AK5: variants seen among roughly 807,000 people sequenced by gnomAD.
AK5 encodes the protein adenylate kinase isoenzyme 5.
Under a neutral mutation model 69.5 loss-of-function variants are expected in AK5, and 27 were observed. The observed-to-expected ratio is 0.39, with a 90% CI of 0.29 to 0.54. The LOEUF (loss-of-function observed/expected upper bound fraction) is 0.54. AK5 is among the 20% of genes least tolerant of loss of function. AK5 has a pLI of 0.71. For missense variants in AK5, 531 were observed against 700.4 expected, an observed-to-expected ratio of 0.76 and a Z score of 2.73; for synonymous variants, 260 against 244.4, an observed-to-expected ratio of 1.06 and a Z score of -0.60.
At chr1:77,346,774 A>T (rs1661939518) in intron 6 of AK5, among the ~76,000 whole-genome samples, 1 of 152,184 alleles carries the variant, frequency 6.6e-6, no homozygotes, top group Non-Finnish European at 1.5e-5. Flanking sequence ...CTGGGACTAC[A>T]GGATGAGCCA....
chr1:77,517,716 A>C (rs1301105506), intron 10 of AK5, among the ~76,000 whole-genome samples: 1 of 152,200 alleles, frequency 6.6e-6, no homozygotes, highest in African/African-American at 2.4e-5. Flanking sequence ...AAGGTAATAA[A>C]ACATATTGAG....
intron 6 of AK5, among the ~76,000 whole-genome samples, chr1:77,361,511 T>C (rs1646864067): frequency 6.6e-6 from 1 of 152,146 alleles, no homozygotes; most frequent in Admixed American, 6.5e-5. Flanking sequence ...AAATAATATG[T>C]ATAAAGCAAC....
intron 9 of AK5, among the ~76,000 whole-genome samples, chr1:77,484,593 T>C (rs1655472353): frequency 6.6e-6 from 1 of 152,218 alleles, no homozygotes; most frequent in South Asian, 2.1e-4. Flanking sequence ...AATAATCAAC[T>C]TGGTCTCAAC....
intron 6 of AK5, among the ~76,000 whole-genome samples, chr1:77,349,216 G>T (rs930393020): frequency 2.0e-5 from 3 of 152,100 alleles, no homozygotes; most frequent in African/African-American, 7.2e-5. Context: ...TCACTTATAA[G>T]TGGGAGCTAA....
intron 6 of AK5, among the ~76,000 whole-genome samples, chr1:77,368,241 A>ATATATATAATATATATGT (rs1647042022): frequency 8.6e-5 from 2 of 23,280 alleles, no homozygotes; most frequent in African/African-American, 1.8e-4. Context: ...ATATATATAT[A>ATATATATAATATATATGT]TATATATATA....
chr1:77,282,476 T>G, intron 1 of AK5, 103 bp downstream of exon 1: 1 of 1,433,870 alleles, frequency 7.0e-7, no homozygotes, highest in South Asian at 1.5e-5. Context: ...ACACGGGGCA[T>G]GTAATGAAGG....
chr1:77,371,966 C>T (rs1447553881), intron 6 of AK5, among the ~76,000 whole-genome samples: 2 of 152,168 alleles, frequency 1.3e-5, no homozygotes, highest in Admixed American at 1.3e-4. Flanking sequence ...ACTTGCACTT[C>T]CCCATGAAGG....
chr1:77,308,114 T>C (rs926225400), intron 5 of AK5, among the ~76,000 whole-genome samples: 1 of 152,116 alleles, frequency 6.6e-6, no homozygotes, highest in African/African-American at 2.4e-5. Context: ...TGTGATCAAG[T>C]GGTCAGTCAT....
intron 8 of AK5, among the ~76,000 whole-genome samples, chr1:77,444,259 TATATATATA>T (rs1462078116): frequency 9.4e-5 from 4 of 42,768 alleles, no homozygotes; most frequent in African/African-American, 2.7e-4. Flanking sequence ...AACATATGTG[TATATATATA>T]GTATATATAC....
chr1:77,534,124 TTC>T (rs893542715), intron 12 of AK5, among the ~76,000 whole-genome samples: 58 of 152,146 alleles, frequency 3.8e-4, no homozygotes, highest in African/African-American at 1.3e-3. Context: ...ATATTACGAG[TTC>T]TCCGTGTTGC....
At chr1:77,405,852 T>C (rs1468429268) in intron 6 of AK5, among the ~76,000 whole-genome samples, 1 of 152,210 alleles carries the variant, frequency 6.6e-6, no homozygotes, top group Non-Finnish European at 1.5e-5. Context: ...TGTTTATTAA[T>C]GAAGCTGGGG....
intron 6 of AK5, among the ~76,000 whole-genome samples, chr1:77,389,790 C>T (rs143019012): frequency 7.9e-5 from 12 of 151,900 alleles, no homozygotes; most frequent in Non-Finnish European, 1.2e-4. Context: ...GGTGAAACCC[C>T]ATCTCTACAA....
intron 9 of AK5, among the ~76,000 whole-genome samples, chr1:77,485,206 C>A (rs1026975603): frequency 2.0e-5 from 3 of 152,182 alleles, no homozygotes; most frequent in Non-Finnish European, 4.4e-5. Flanking sequence ...TTTAAAAATT[C>A]TCTTTGTTTG....
chr1:77,524,636 A>T (rs927103866), intron 12 of AK5, among the ~76,000 whole-genome samples: 1 of 152,112 alleles, frequency 6.6e-6, no homozygotes, highest in African/African-American at 2.4e-5. Flanking sequence ...TATATTTTGG[A>T]TAGTAACTCC....
intron 6 of AK5, among the ~76,000 whole-genome samples, chr1:77,367,620 T>TTA (rs1553139814): frequency 0.095 from 6,551 of 69,292 alleles, 705 homozygotes; most frequent in Middle Eastern, 0.15. Context: ...AATATATATG[T>TTA]TATATATGTA....
chr1:77,292,580 G>T (rs1418949579), intron 2 of AK5, among the ~76,000 whole-genome samples: 1 of 152,152 alleles, frequency 6.6e-6, no homozygotes, highest in Non-Finnish European at 1.5e-5. Context: ...CTGGAATACT[G>T]ACCCCTGAGG....
chr1:77,345,339 G>A (rs1382409363), intron 6 of AK5, among the ~76,000 whole-genome samples: 1 of 152,178 alleles, frequency 6.6e-6, no homozygotes, highest in African/African-American at 2.4e-5. Flanking sequence ...AGGAAAGGCA[G>A]AGGCTGAAAA....
intron 8 of AK5, among the ~76,000 whole-genome samples, chr1:77,444,055 A>G (rs996259889): frequency 2.0e-5 from 3 of 150,424 alleles, no homozygotes; most frequent in South Asian, 2.1e-4. Flanking sequence ...TTCATCCTAC[A>G]TATTTGCTAC....
At chr1:77,358,018 T>TGTGTGTGAGA (rs762714026) in intron 6 of AK5, among the ~76,000 whole-genome samples, 256 of 128,256 alleles carry the variant, frequency 2.0e-3, no homozygotes, top group African/African-American at 4.9e-3. Context: ...TGTGTGTGTG[T>TGTGTGTGAGA]GAGAGAGAGA....
Sources: allele counts gnomAD v4.1 joint callset (sites outside exome capture counted in the v4.1 genomes callset), GRCh38; gene constraint gnomAD v4.1.1; transcripts MANE v1.5; gene names NCBI Gene and HGNC (gene_info 2026-07-23, HGNC 2026-07-21).